The following FEZ1 variants were observed in gnomAD, a reference collection of about 807,000 sequenced individuals.
FEZ1 encodes the protein fasciculation and elongation protein zeta 1.
In FEZ1, 20 loss-of-function variants were observed where a neutral mutation model predicts 49.3. The ratio of observed to expected loss-of-function variants is 0.41; its 90% CI spans 0.29 to 0.59. FEZ1 has a LOEUF of 0.59. Among genes scored for constraint, FEZ1 ranks in the 20% least tolerant of loss-of-function variants. The pLI, the probability that FEZ1 is intolerant of heterozygous loss-of-function variation, is 0.36. For missense variants in FEZ1, 413 were observed against 476.0 expected (o/e 0.87, Z 1.23); for synonymous variants, 170 against 180.9 (o/e 0.94, Z 0.48).
At chr11:125,477,450 A>T (rs1163053669) in intron 3 of FEZ1, among the ~76,000 whole-genome samples, 1 of 152,066 alleles carries the variant, frequency 6.6e-6, no homozygotes, top group East Asian at 1.9e-4. Flanking sequence ...TGTTGCAGTG[A>T]GCCGAGATCG....
chr11:125,454,609 GT>G (rs1165931659), intron 6 of FEZ1, among the ~76,000 whole-genome samples: 1 of 152,112 alleles, frequency 6.6e-6, no homozygotes, highest in Non-Finnish European at 1.5e-5. Context: ...GATGGGGGAA[GT>G]TTTTTTCAAA....
chr11:125,474,716 C>T (rs1303764945), intron 3 of FEZ1, among the ~76,000 whole-genome samples: 1 of 151,556 alleles, frequency 6.6e-6, no homozygotes, highest in Non-Finnish European at 1.5e-5. Context: ...GGTGAAACCC[C>T]GTCTCTACTA....
At position 125,469,523 on chromosome 11, in the gene FEZ1, G is replaced by T. The variant is rs550859514; in HGVS notation, c.412-5953C>A. On this transcript the variant is annotated intron_variant, in intron 3 of 9. Coordinates refer to ENST00000278919, the MANE Select transcript of FEZ1 (RefSeq NM_005103.5). ...AATTCACCTGCCTCGGCCTCCTAAAGTGTTGAGATTACAGGCGTGAGCTAT... is the reference window on the plus strand; with the variant it reads ...AATTCACCTGCCTCGGCCTCCTAAATTGTTGAGATTACAGGCGTGAGCTAT... 2.4e-3 allele frequency among the ~76,000 whole-genome samples: 367 copies of T among 152,252 alleles called. 2 individuals carry two copies. The highest frequency in any genetic ancestry group is 6.8e-3 in the Middle Eastern group (2 of 294).
At chr11:125,487,437 AT>A (rs1957335134) in intron 2 of FEZ1, among the ~76,000 whole-genome samples, 1 of 152,188 alleles carries the variant, frequency 6.6e-6, no homozygotes, top group Non-Finnish European at 1.5e-5. Flanking sequence ...CAAAATTAGA[AT>A]TCATAGTCTT....
intron 3 of FEZ1, among the ~76,000 whole-genome samples, chr11:125,479,679 A>C (rs1957262292): frequency 6.6e-6 from 1 of 152,238 alleles, no homozygotes; most frequent in Admixed American, 6.5e-5. Context: ...CCAAGGGAGC[A>C]CTTTAGACCC....
chr11:125,491,309 C>CTG (rs1957379567), intron 1 of FEZ1, among the ~76,000 whole-genome samples: 1 of 152,158 alleles, frequency 6.6e-6, no homozygotes, highest in Non-Finnish European at 1.5e-5. Flanking sequence ...ATTTATCCAT[C>CTG]TGTGTGTACA....
At chr11:125,456,216 C>A in intron 5 of FEZ1, 110 bp from the exon 6 acceptor site, 1 of 1,042,740 alleles carries the variant, frequency 9.6e-7, no homozygotes, top group Non-Finnish European at 1.4e-6. Context: ...CAGAGGAGAT[C>A]CCTTCCAACT....
chr11:125,457,424 AAAAAAAT>A (rs1209235673), intron 5 of FEZ1, among the ~76,000 whole-genome samples: 2 of 41,114 alleles, frequency 4.9e-5, no homozygotes, highest in East Asian at 1.3e-3. Flanking sequence ...AAAAAAAAAA[AAAAAAAT>A]ATATATATAT....
intron 5 of FEZ1, among the ~76,000 whole-genome samples, chr11:125,459,107 C>A (rs998005573): frequency 6.6e-6 from 1 of 151,834 alleles, no homozygotes; most frequent in African/African-American, 2.4e-5. Context: ...GAAACATAAT[C>A]ATCTCTCATT....
intron 3 of FEZ1, among the ~76,000 whole-genome samples, chr11:125,474,685 C>T (rs182128995): frequency 6.7e-6 from 1 of 148,998 alleles, no homozygotes. Context: ...GTCAGGAGTT[C>T]GAGACTAGCC....
At chr11:125,487,957 AT>A (rs1957341341) in intron 2 of FEZ1, among the ~76,000 whole-genome samples, 1 of 152,130 alleles carries the variant, frequency 6.6e-6, no homozygotes, top group Non-Finnish European at 1.5e-5. Context: ...TTACCCCATT[AT>A]TTGTGGGCCA....
At chr11:125,463,121 G>A (rs1957091316) in intron 4 of FEZ1, 1 of 156,618 alleles carries the variant, frequency 6.4e-6, no homozygotes, top group African/African-American at 2.4e-5. Context: ...CCAACATGGT[G>A]AAATCACATC....
At chr11:125,470,172 C>A (rs776078037) in intron 3 of FEZ1, among the ~76,000 whole-genome samples, 3 of 152,178 alleles carry the variant, frequency 2.0e-5, no homozygotes, top group Non-Finnish European at 2.9e-5. Flanking sequence ...TACCTGCCTT[C>A]AGAAGGATAA....
At chr11:125,480,808 G>A (rs1459914251) in intron 3 of FEZ1, among the ~76,000 whole-genome samples, 3 of 152,154 alleles carry the variant, frequency 2.0e-5, no homozygotes, top group African/African-American at 7.2e-5. Flanking sequence ...GGAAGGCCAA[G>A]GCGGGCGGAT....
intron 7 of FEZ1, 164 bp downstream of exon 7, chr11:125,453,966 G>T: frequency 1.6e-4 from 57 of 350,152 alleles, no homozygotes; most frequent in South Asian, 1.9e-4. Context: ...CTTTTAAAAA[G>T]ATATTCTCTG....
chr11:125,459,570 C>T (rs376779068), intron 5 of FEZ1, among the ~76,000 whole-genome samples: 7 of 151,888 alleles, frequency 4.6e-5, no homozygotes, highest in Non-Finnish European at 8.8e-5. Flanking sequence ...CTAGCCTGGG[C>T]GACAGAGCGA....
intron 4 of FEZ1, among the ~76,000 whole-genome samples, chr11:125,462,272 T>A (rs1036652095): frequency 6.6e-6 from 1 of 152,212 alleles, no homozygotes; most frequent in Admixed American, 6.5e-5. Context: ...GACTAAAACA[T>A]TAAATAAGGA....
chr11:125,471,550 A>G (rs1957183079), intron 3 of FEZ1, among the ~76,000 whole-genome samples: 1 of 152,142 alleles, frequency 6.6e-6, no homozygotes, highest in Admixed American at 6.6e-5. Flanking sequence ...CAGAGAAAGA[A>G]TGACATTTCA....
intron 3 of FEZ1, among the ~76,000 whole-genome samples, chr11:125,471,300 T>G (rs891825904): frequency 6.6e-6 from 1 of 151,938 alleles, no homozygotes; most frequent in African/African-American, 2.4e-5. Context: ...GCAAATAAAC[T>G]AAACACAATA....
Sources: allele counts gnomAD v4.1 joint callset (sites outside exome capture counted in the v4.1 genomes callset), GRCh38; gene constraint gnomAD v4.1.1; transcripts MANE v1.5; gene names NCBI Gene and HGNC (gene_info 2026-07-23, HGNC 2026-07-21).